MYOF: variants seen among roughly 807,000 people sequenced by gnomAD.
MYOF encodes myoferlin.
Under a neutral mutation model 284.2 loss-of-function variants are expected in MYOF, and 244 were observed. That is an observed-to-expected ratio of 0.86 (90% CI 0.77 to 0.95). MYOF has a LOEUF of 0.95. Ranked by LOEUF, MYOF falls within the 40% of genes least tolerant of loss-of-function variation. The probability of loss-of-function intolerance (pLI) is 0.00; values close to 1 mark genes in which losing one functional copy is unlikely to be tolerated. For missense variants in MYOF, 2,496 were observed against 2,560.6 expected (o/e 0.97, Z 0.54); for synonymous variants, 904 against 919.7 (o/e 0.98, Z 0.31).
At chr10:93,347,818 CCAGACGAGGG>C in intron 36 of MYOF, 36 bp from the exon 37 acceptor site, 1 of 1,592,750 alleles carries the variant, frequency 6.3e-7, no homozygotes, top group Non-Finnish European at 8.6e-7. Context: ...TTTCTCAAGA[CCAGACGAGGG>C]CAGCTTTGAG....
chr10:93,455,853 G>C (rs1446010071), intron 2 of MYOF, among the ~76,000 whole-genome samples: 1 of 152,134 alleles, frequency 6.6e-6, no homozygotes, highest in Non-Finnish European at 1.5e-5. Context: ...AAACACAATG[G>C]AGCTGGCCAT....
intron 5 of MYOF, among the ~76,000 whole-genome samples, chr10:93,416,115 C>T (rs984322567): frequency 6.6e-6 from 1 of 152,240 alleles, no homozygotes; most frequent in Non-Finnish European, 1.5e-5. Flanking sequence ...AAACTTTCTG[C>T]AGCATTTGTT....
chr10:93,360,729 T>C (rs761380542), intron 28 of MYOF, among the ~76,000 whole-genome samples: 1 of 152,242 alleles, frequency 6.6e-6, no homozygotes, highest in African/African-American at 2.4e-5. Context: ...GTCTGCATCA[T>C]TGCTGCATAG....
At chr10:93,388,015 C>A in intron 18 of MYOF, 102 bp from the exon 19 acceptor site, 2 of 866,304 alleles carry the variant, frequency 2.3e-6, no homozygotes, top group Non-Finnish European at 3.8e-6. Flanking sequence ...TTCTCCTTCC[C>A]ATGGCCCTAA....
At chr10:93,354,666 A>ACCCTCTCTCTCTCTCTCT (rs1554844078) in intron 31 of MYOF, among the ~76,000 whole-genome samples, 1 of 119,236 alleles carries the variant, frequency 8.4e-6, no homozygotes, top group Non-Finnish European at 1.8e-5. Context: ...TCACACATTC[A>ACCCTCTCTCTCTCTCTCT]CTCTCTCTCT....
intron 3 of MYOF, among the ~76,000 whole-genome samples, chr10:93,435,846 G>A (rs1849092685): frequency 6.6e-6 from 1 of 151,964 alleles, no homozygotes; most frequent in Admixed American, 6.6e-5. Context: ...GGGAGGCTGA[G>A]TGAGTCGTGA....
chr10:93,404,368 A>T lies in MYOF; in HGVS notation c.730-149T>A, dbSNP rs911551589. 4 of 745,074 alleles carry T rather than the reference A, an allele frequency of 5.4e-6. No homozygotes were observed. In the African/African-American group the frequency reaches 7.0e-5, roughly 13 times the overall value. The allele number at this position is 745,074 out of a possible 1,614,324, so 46.2% of individuals were successfully genotyped here. A position where few individuals can be genotyped will look rare whatever the true frequency, so the allele number is the denominator to read the frequency against. ...CATGTGAACACATGGCAAGGCCTGG[A>T]GTTTAAGCCCTGCAGTTTAAGCTTC... On this transcript the variant is annotated intron_variant, in intron 7 of 53. Transcript: ENST00000359263.
rs1453089899 is a variant in MYOF, at chr10:93,392,962, A to G, written c.1418-7T>C. The stretch of plus-strand genomic sequence containing the variant: ...GTTCCCGAAGATGAGAAATCTATAT[A>G]GTAAAAATATGACTGGTTAAACAAG... On this transcript the variant is annotated splice_region_variant and splice_polypyrimidine_tract_variant and intron_variant, in intron 16 of 53. Coordinates refer to ENST00000359263, the MANE Select transcript of MYOF (RefSeq NM_013451.4). 2 of 1,609,456 alleles carry G rather than the reference A, an allele frequency of 1.2e-6. No individual in the cohort carries two copies. The highest frequency in any genetic ancestry group is 2.7e-5 in the African/African-American group (2 of 74,812).
Position 93,341,962 on chromosome 10 carries a change from C to T in MYOF, c.4327-1798G>A, listed in dbSNP as rs1349853686. On this transcript the variant is annotated intron_variant, in intron 38 of 53. Transcript: ENST00000359263. ...TTTGCTGAGTGCTGTTGACATACTG[C>T]TTAAGCACTGGAATTGGAAGGTAAT... 5.4e-6 allele frequency: 7 copies of T among 1,289,662 alleles called. No individual in the cohort carries two copies. The East Asian group carries it at 3.9e-4, about 72-fold the overall frequency. The allele number at this position is 1,289,662 out of a possible 1,614,324, so 79.9% of individuals were successfully genotyped here. A position where few individuals can be genotyped will look rare whatever the true frequency, so the allele number is the denominator to read the frequency against.
At chr10:93,340,680 A>G (rs189702241) in intron 38 of MYOF, among the ~76,000 whole-genome samples, 2 of 152,354 alleles carry the variant, frequency 1.3e-5, no homozygotes, top group East Asian at 3.9e-4. Context: ...CCTATGTTAC[A>G]GCACCAAATA....
intron 36 of MYOF, among the ~76,000 whole-genome samples, chr10:93,348,184 G>T (rs941556179): frequency 6.6e-6 from 1 of 152,184 alleles, no homozygotes; most frequent in Non-Finnish European, 1.5e-5. Context: ...TCTGCTTCCT[G>T]GGAGGGGACA....
Position 93,310,590 on chromosome 10 carries a change from C to T in MYOF, c.5943G>A (p.Arg1981=). The T allele has an allele frequency of 6.2e-7, 1 of 1,613,788 alleles. No individual in the cohort carries two copies. Among genetic ancestry groups the T allele is most frequent in the Non-Finnish European group, 8.5e-7 (1 of 1,179,866 alleles). Residue 1981 remains arginine, a synonymous_variant, in exon 52 of 54, where the codon AGG becomes AGA. Coordinates refer to ENST00000359263, the MANE Select transcript of MYOF (RefSeq NM_013451.4). ...GTTCGTCCCGCCCCTTCCCGGCTGG[C>T]CTCTCGTCGGCCTCCTTCTCGTTGA... ...EILNEKEADE[R]PAGKGRDEPN...
rs78820243 is a variant in MYOF at position 93,312,426 on chromosome 10, A to G, written c.5889+594T>C. ...AGTGGCACGATCTTGGCTCACTGCA[A>G]CCTATGCCTCCTGGGTCCAAGTGAT... is the stretch of plus-strand genomic sequence containing the variant. On this transcript the variant is annotated intron_variant, in intron 51 of 53. Coordinates refer to ENST00000359263, the MANE Select transcript of MYOF (RefSeq NM_013451.4). Among the ~76,000 whole-genome samples the G allele has an allele frequency of 1.0e-3, 156 of 152,144 alleles. 3 individuals are homozygous for G. The East Asian group carries it at 0.027, about 27-fold the overall frequency.
intron 3 of MYOF, among the ~76,000 whole-genome samples, chr10:93,451,121 C>T (rs146251484): frequency 7.2e-5 from 11 of 152,156 alleles, no homozygotes; most frequent in African/African-American, 2.4e-4. Flanking sequence ...GGGTAGATCA[C>T]CTGAGGTAAG....
At chr10:93,467,541 T>C (rs1028443772) in intron 1 of MYOF, among the ~76,000 whole-genome samples, 14 of 152,160 alleles carry the variant, frequency 9.2e-5, no homozygotes, top group African/African-American at 2.9e-4. Context: ...GTAAACTAGT[T>C]CAACCATTGT....
chr10:93,452,981 C>G (rs938949936), intron 2 of MYOF, among the ~76,000 whole-genome samples: 7 of 152,006 alleles, frequency 4.6e-5, no homozygotes, highest in Non-Finnish European at 5.9e-5. Context: ...ATTGATAAAG[C>G]GTCACTGATG....
At chr10:93,308,106 G>A (rs1430764197) in intron 53 of MYOF, among the ~76,000 whole-genome samples, 2 of 150,366 alleles carry the variant, frequency 1.3e-5, no homozygotes, top group Admixed American at 6.6e-5. Flanking sequence ...AGCCGGGCAT[G>A]GTGGTGGGTG....
chr10:93,319,765 C>T (rs773096981), intron 49 of MYOF, 107 bp downstream of exon 49: 319 of 1,468,058 alleles, frequency 2.2e-4, no homozygotes, highest in Non-Finnish European at 1.7e-4. Flanking sequence ...GAGAAGGAGC[C>T]GGACTCAGTG....
intron 3 of MYOF, among the ~76,000 whole-genome samples, chr10:93,447,622 G>A (rs959703953): frequency 3.3e-5 from 5 of 152,110 alleles, no homozygotes; most frequent in Non-Finnish European, 5.9e-5. Flanking sequence ...CCCCTTCCTC[G>A]GGGCTGAGAG....
Sources: allele counts gnomAD v4.1 joint callset (sites outside exome capture counted in the v4.1 genomes callset), GRCh38; gene constraint gnomAD v4.1.1; transcripts MANE v1.5; gene names NCBI Gene and HGNC (gene_info 2026-07-23, HGNC 2026-07-21).